DCP1A: variants seen among roughly 807,000 people sequenced by gnomAD.
DCP1A encodes mRNA-decapping enzyme 1A.
DCP1A carries 20 observed loss-of-function variants against 58.0 expected under a neutral mutation model. That is an observed-to-expected ratio of 0.34 (90% CI 0.24 to 0.50). The LOEUF is 0.50. Among genes scored for constraint, DCP1A ranks in the 20% least tolerant of loss-of-function variants. DCP1A has a pLI of 0.98. For missense variants in DCP1A, 613 were observed against 712.2 expected (o/e 0.86, Z 1.59); for synonymous variants, 285 against 275.1 (o/e 1.04, Z -0.36).
At chr3:53,339,147 C>T (rs1162995966) in intron 3 of DCP1A, among the ~76,000 whole-genome samples, 2 of 152,138 alleles carry the variant, frequency 1.3e-5, no homozygotes, top group Non-Finnish European at 2.9e-5. Context: ...CTTAATAGCT[C>T]GCTGACCTGA....
intron 3 of DCP1A, among the ~76,000 whole-genome samples, chr3:53,323,858 T>C (rs1553690293): frequency 8.3e-6 from 1 of 120,822 alleles, no homozygotes; most frequent in African/African-American, 3.2e-5. Context: ...CAAGACTCTG[T>C]CTCAAAAAAA....
At chr3:53,329,010 T>C (rs1266012077) in intron 3 of DCP1A, 2 of 203,460 alleles carry the variant, frequency 9.8e-6, no homozygotes, top group South Asian at 1.9e-4. Flanking sequence ...AATTCAAAGA[T>C]ATCAAAGAAT....
At position 53,331,609 on chromosome 3, in the gene DCP1A, C is replaced by T. The variant is rs554679646; in HGVS notation, c.304+10535G>A. ...CTATGATGTGCATACAACAAAACTG[C>T]CTAATGGCGCCTTTAGGACATATCC... On this transcript the variant is annotated intron_variant, in intron 3 of 9. Coordinates refer to ENST00000610213, the MANE Select transcript of DCP1A (RefSeq NM_018403.7). 2.6e-4 allele frequency among the ~76,000 whole-genome samples: 19 copies of T among 74,488 alleles called. No homozygotes were observed. In the South Asian group the frequency reaches 4.2e-3, roughly 17 times the overall value. 48.9% of individuals were successfully genotyped at this position (74,488 alleles called of 152,430 possible). A position where few individuals can be genotyped will look rare whatever the true frequency, so the allele number is the denominator to read the frequency against.
At chr3:53,345,956 A>G (rs556857591) in intron 1 of DCP1A, among the ~76,000 whole-genome samples, 329 of 152,316 alleles carry the variant, frequency 2.2e-3, no homozygotes, top group African/African-American at 7.7e-3. Flanking sequence ...GTCATGCTCT[A>G]TGTGCCAGGA....
intron 4 of DCP1A, among the ~76,000 whole-genome samples, chr3:53,317,652 A>T (rs1553689402): frequency 6.6e-6 from 1 of 152,188 alleles, no homozygotes; most frequent in Non-Finnish European, 1.5e-5. Context: ...GGAGTTTGAG[A>T]CTAGCCTGGG....
chr3:53,326,983 C>CG (rs1455401507), intron 3 of DCP1A, among the ~76,000 whole-genome samples: 4 of 150,298 alleles, frequency 2.7e-5, no homozygotes, highest in African/African-American at 9.9e-5. Flanking sequence ...CCAACCCCCC[C>CG]CCCCCAACTG....
chr3:53,295,091 C>A (rs1553686641), intron 6 of DCP1A, among the ~76,000 whole-genome samples: 1 of 152,134 alleles, frequency 6.6e-6, no homozygotes. Flanking sequence ...TGTCAGACAA[C>A]AGAGAAAGAG....
chr3:53,290,917 T>C (rs879963129), intron 7 of DCP1A, 61 bp from the exon 8 acceptor site: 3 of 1,391,136 alleles, frequency 2.2e-6, no homozygotes, highest in East Asian at 2.4e-5. Flanking sequence ...GAAGACTTCC[T>C]AGTCTTAATT....
rs140898371 is a variant in DCP1A, at chr3:53,287,232, C to T, written c.*348G>A. ...TTCTGCTGTGAGGCTGGTGACTACT[C>T]CTCTGTAAGTCCTTGAAAGTGAAAG... is the stretch of plus-strand genomic sequence containing the variant. On this transcript the variant is annotated 3_prime_UTR_variant, in exon 10 of 10. Coordinates refer to ENST00000610213, the MANE Select transcript of DCP1A (RefSeq NM_018403.7). The T allele has an allele frequency of 6.6e-3, 1,302 of 196,816 alleles. 14 individuals carry two copies. Among genetic ancestry groups the T allele is most frequent in the African/African-American group, 0.029 (1,234 of 42,446 alleles). 12.2% of individuals were successfully genotyped at this position (196,816 alleles called of 1,614,324 possible).
chr3:53,320,350 T>C (rs1707926065), intron 3 of DCP1A, among the ~76,000 whole-genome samples: 3 of 149,542 alleles, frequency 2.0e-5, no homozygotes, highest in African/African-American at 7.4e-5. Flanking sequence ...GATTATAATA[T>C]ATTAAAGCTA....
rs895995038 is a variant in DCP1A, at chr3:53,286,749, A to C, written c.*831T>G. The C allele has an allele frequency of 6.6e-6, 1 of 152,258 alleles. No individual in the cohort carries two copies. Among genetic ancestry groups the C allele is most frequent in the African/African-American group, 2.4e-5 (1 of 41,468 alleles). 9.4% of individuals were successfully genotyped at this position (152,258 alleles called of 1,614,324 possible). A position where few individuals can be genotyped will look rare whatever the true frequency, so the allele number is the denominator to read the frequency against. On this transcript the variant is annotated 3_prime_UTR_variant, in exon 10 of 10. Transcript: ENST00000610213. ...GTTAAGGAAAACAATCAACAATGAC[A>C]GAAAAGGAAAATAAGGCTGTGCTTC...
At chr3:53,312,032 C>G (rs1215192436) in intron 5 of DCP1A, among the ~76,000 whole-genome samples, 1 of 152,086 alleles carries the variant, frequency 6.6e-6, no homozygotes, top group Non-Finnish European at 1.5e-5. Context: ...CCCACTGCAG[C>G]CTCCAACTCC....
chr3:53,296,436 G>A (rs1707129978), intron 6 of DCP1A, among the ~76,000 whole-genome samples: 1 of 152,196 alleles, frequency 6.6e-6, no homozygotes, highest in South Asian at 2.1e-4. Context: ...CCTTGGGACA[G>A]ACTTCTCTGT....
chr3:53,329,525 A>C (rs1050526600), intron 3 of DCP1A: 43 of 394,288 alleles, frequency 1.1e-4, no homozygotes, highest in African/African-American at 8.0e-4. Flanking sequence ...TTTTCGGTTA[A>C]GCAAGCTAAA....
At chr3:53,335,279 T>G (rs1040502830) in intron 3 of DCP1A, among the ~76,000 whole-genome samples, 3 of 152,088 alleles carry the variant, frequency 2.0e-5, no homozygotes, top group African/African-American at 7.2e-5. Context: ...TAGCTGGAAT[T>G]ACAGGTGCCC....
chr3:53,293,552 T>G (rs1174615550), intron 6 of DCP1A, among the ~76,000 whole-genome samples: 1 of 152,180 alleles, frequency 6.6e-6, no homozygotes, highest in African/African-American at 2.4e-5. Flanking sequence ...ACAACAGTTC[T>G]CACAGAGCTT....
chr3:53,290,961 G>T, intron 7 of DCP1A, 105 bp from the exon 8 acceptor site: 3 of 1,021,518 alleles, frequency 2.9e-6, no homozygotes, highest in Non-Finnish European at 4.4e-6. Flanking sequence ...ATCTAGGTTA[G>T]TAACAGAAAA....
chr3:53,297,464 G>C (rs1455119609), intron 6 of DCP1A, among the ~76,000 whole-genome samples: 2 of 151,650 alleles, frequency 1.3e-5, no homozygotes, highest in African/African-American at 2.4e-5. Flanking sequence ...GGGTTCAAGT[G>C]ATAGTCCTGC....
chr3:53,301,434 G>A (rs530027919), intron 6 of DCP1A, among the ~76,000 whole-genome samples: 4 of 152,018 alleles, frequency 2.6e-5, no homozygotes, highest in East Asian at 1.9e-4. Context: ...CACCATGCCC[G>A]TCCAATTTTT....
Sources: gnomAD v4.1 joint callset for allele counts (sites outside exome capture counted in the v4.1 genomes callset) on GRCh38, gnomAD v4.1.1 for gene constraint, MANE v1.5 for transcripts, NCBI Gene and HGNC (gene_info 2026-07-23, HGNC 2026-07-21) for gene names.